COL21A1: variants seen among roughly 807,000 people sequenced by gnomAD.
COL21A1 encodes the protein collagen type XXI alpha 1 chain, also known as collagen alpha-1(XXI) chain.
COL21A1 carries 149 observed loss-of-function variants against 137.9 expected under a neutral mutation model. The ratio of observed to expected loss-of-function variants is 1.08; its 90% CI spans 0.95 to 1.24. The LOEUF is 1.24. Ranked by LOEUF, COL21A1 falls within the 50% of genes most tolerant of loss-of-function variation. COL21A1 has a pLI of 0.00. For synonymous variants in COL21A1, 456 were observed against 391.5 expected, an observed-to-expected ratio of 1.16 and a Z score of -1.95; for missense variants, 1,167 against 1,158.4, an observed-to-expected ratio of 1.01 and a Z score of -0.11.
chr6:56,376,400 A>G (rs1357774121), intron 1 of COL21A1, among the ~76,000 whole-genome samples: 1 of 152,146 alleles, frequency 6.6e-6, no homozygotes, highest in Non-Finnish European at 1.5e-5. Context: ...GAAAAGAAGC[A>G]TGAGTAAGAA....
intron 17 of COL21A1, among the ~76,000 whole-genome samples, chr6:56,092,672 C>A (rs1768951208): frequency 6.6e-6 from 1 of 152,144 alleles, no homozygotes; most frequent in Admixed American, 6.6e-5. Context: ...ATGCTACCAA[C>A]AGTTTGCAAT....
At position 56,170,793 on chromosome 6, in the gene COL21A1, A is replaced by G. The variant is rs531869048; in HGVS notation, c.882T>C (p.Ile294=). 1 of 1,610,100 alleles carries G rather than the reference A, an allele frequency of 6.2e-7. No individual in the cohort carries two copies. The highest frequency in any genetic ancestry group is 1.1e-5 in the South Asian group (1 of 90,728). The change falls in exon 5 of 30, where the codon ATT becomes ATC. Residue 294 remains isoleucine, a synonymous_variant. Transcript: ENST00000244728. ...TAGTTAATATTCTCCATAAATCCCA[A>G]ATTTTCTTGACTTTAAATCTTTGAG... The part of the protein sequence containing the change: ...VSTQRFKVKK[I]WDLWRILTID...
chr6:56,365,483 T>G (rs1019986612), intron 1 of COL21A1, among the ~76,000 whole-genome samples: 1 of 152,226 alleles, frequency 6.6e-6, no homozygotes. Context: ...ATTTAACTTC[T>G]TGGTTCTTGA....
intron 17 of COL21A1, among the ~76,000 whole-genome samples, chr6:56,098,260 C>A (rs186607758): frequency 1.1e-3 from 21 of 18,856 alleles, no homozygotes; most frequent in Admixed American, 3.8e-3. Flanking sequence ...TATATAAATA[C>A]ATATATAAAT....
chr6:56,220,113 T>C (rs953661577), intron 1 of COL21A1, among the ~76,000 whole-genome samples: 9 of 152,162 alleles, frequency 5.9e-5, no homozygotes, highest in Non-Finnish European at 8.8e-5. Flanking sequence ...TATTTATACA[T>C]TGAATTAACA....
chr6:56,292,513 G>A (rs769218110), intron 1 of COL21A1, among the ~76,000 whole-genome samples: 1 of 151,236 alleles, frequency 6.6e-6, no homozygotes, highest in Non-Finnish European at 1.5e-5. Flanking sequence ...CCATGCAGGT[G>A]CCTCAGCCTC....
chr6:56,127,975 G>A (rs1413706702), intron 12 of COL21A1, among the ~76,000 whole-genome samples: 3 of 152,098 alleles, frequency 2.0e-5, no homozygotes, highest in Non-Finnish European at 4.4e-5. Flanking sequence ...ACACTTCCAA[G>A]CTCCATCCCC....
intron 7 of COL21A1, 90 bp downstream of exon 7, chr6:56,166,816 A>T: frequency 1.1e-6 from 1 of 948,210 alleles, no homozygotes; most frequent in Non-Finnish European, 1.7e-6. Flanking sequence ...TCTACATATT[A>T]AATTAATACT....
intron 1 of COL21A1, among the ~76,000 whole-genome samples, chr6:56,320,049 A>G (rs1414248992): frequency 6.6e-6 from 1 of 152,116 alleles, no homozygotes; most frequent in Admixed American, 6.6e-5. Flanking sequence ...TGACACCTCT[A>G]CTTGGATACT....
chr6:56,367,301 CTA>C (rs1265267444), intron 1 of COL21A1, among the ~76,000 whole-genome samples: 1 of 152,144 alleles, frequency 6.6e-6, no homozygotes, highest in Non-Finnish European at 1.5e-5. Context: ...CACGCCTTCC[CTA>C]TGTGATCCAA....
chr6:56,263,664 T>C (rs1468081376), intron 1 of COL21A1, among the ~76,000 whole-genome samples: 1 of 152,212 alleles, frequency 6.6e-6, no homozygotes, highest in Non-Finnish European at 1.5e-5. Flanking sequence ...TCACTTAAGC[T>C]GTGTTTTATT....
At chr6:56,369,963 A>G (rs554429616) in intron 1 of COL21A1, among the ~76,000 whole-genome samples, 3 of 152,364 alleles carry the variant, frequency 2.0e-5, no homozygotes, top group South Asian at 2.1e-4. Context: ...GAAAAGTATC[A>G]TACAAAACAG....
intron 7 of COL21A1, among the ~76,000 whole-genome samples, chr6:56,165,961 A>G (rs1298384270): frequency 6.7e-6 from 1 of 149,764 alleles, no homozygotes; most frequent in African/African-American, 2.5e-5. Flanking sequence ...ATGCGATGCT[A>G]TAATATTTTA....
chr6:56,345,136 T>A (rs919897056), intron 1 of COL21A1, among the ~76,000 whole-genome samples: 5 of 152,156 alleles, frequency 3.3e-5, no homozygotes, highest in Admixed American at 2.6e-4. Context: ...AAAGGCAGAA[T>A]CTGGTTTATC....
chr6:56,219,637 C>G (rs1208386090), intron 1 of COL21A1, among the ~76,000 whole-genome samples: 1 of 152,114 alleles, frequency 6.6e-6, no homozygotes, highest in African/African-American at 2.4e-5. Context: ...AATAAAGCAT[C>G]TACTGCATAA....
intron 1 of COL21A1, among the ~76,000 whole-genome samples, chr6:56,260,655 GGA>G (rs1763239579): frequency 1.6e-5 from 1 of 62,644 alleles, no homozygotes; most frequent in Non-Finnish European, 3.4e-5. Context: ...AAGGAAGGAA[GGA>G]ATGAAGGAAG....
chr6:56,086,270 A>G (rs749144026), intron 17 of COL21A1, among the ~76,000 whole-genome samples: 5 of 151,884 alleles, frequency 3.3e-5, no homozygotes, highest in African/African-American at 1.2e-4. Context: ...CGATTTTTAT[A>G]TACAGTTGAC....
At chr6:56,066,893 T>C (rs1172626455) in intron 23 of COL21A1, among the ~76,000 whole-genome samples, 1 of 151,596 alleles carries the variant, frequency 6.6e-6, no homozygotes, top group East Asian at 1.9e-4. Flanking sequence ...ATATTTAGGG[T>C]TAAAGGTTTT....
chr6:56,268,545 C>G (rs1332322844), intron 1 of COL21A1, among the ~76,000 whole-genome samples: 7 of 152,136 alleles, frequency 4.6e-5, no homozygotes, highest in Non-Finnish European at 8.8e-5. Flanking sequence ...CAATATATAC[C>G]CCTGTGAAAC....
Sources: allele counts gnomAD v4.1 joint callset (sites outside exome capture counted in the v4.1 genomes callset), GRCh38; gene constraint gnomAD v4.1.1; transcripts MANE v1.5; gene names NCBI Gene and HGNC (gene_info 2026-07-23, HGNC 2026-07-21).